INPP4B: variants seen among roughly 807,000 people sequenced by gnomAD.
INPP4B encodes the protein inositol polyphosphate 4-phosphatase type II.
INPP4B carries 55 observed loss-of-function variants against 122.5 expected under a neutral mutation model. That is an observed-to-expected ratio of 0.45 (90% CI 0.36 to 0.56). The LOEUF (loss-of-function observed/expected upper bound fraction) is 0.56, where lower values mean the gene tolerates loss of function less well. Among genes scored for constraint, INPP4B ranks in the 20% least tolerant of loss-of-function variants. INPP4B has a pLI of 0.00. For synonymous variants in INPP4B, 403 were observed against 388.7 expected (o/e 1.04, Z -0.43); for missense variants, 1,000 against 1,097.7 (o/e 0.91, Z 1.26).
At chr4:142,686,248 CA>C (rs1311923880) in intron 2 of INPP4B, among the ~76,000 whole-genome samples, 1 of 152,190 alleles carries the variant, frequency 6.6e-6, no homozygotes, top group East Asian at 1.9e-4. Context: ...CAAGCTTAAG[CA>C]GAGAATGACA....
intron 7 of INPP4B, chr4:142,384,092 C>G: frequency 1.4e-6 from 1 of 702,134 alleles, no homozygotes; most frequent in Non-Finnish European, 2.6e-6. Flanking sequence ...TCCACTTATA[C>G]TCAAATTCTG....
chr4:142,119,030 C>A (rs887387823), intron 21 of INPP4B, among the ~76,000 whole-genome samples: 4 of 152,086 alleles, frequency 2.6e-5, no homozygotes, highest in African/African-American at 9.7e-5. Context: ...ATGCAGCCAA[C>A]AGACACATGA....
chr4:142,173,772 T>C lies in INPP4B; in HGVS notation c.1219A>G (p.Thr407Ala), dbSNP rs752384749. The change falls in exon 16 of 26, where the codon ACA (threonine) becomes GCA (alanine). Residue 407 changes from threonine to alanine, a missense_variant. Thr to Ala is a moderately conservative substitution (Grantham distance 58). Transcript: ENST00000262992. The part of the protein sequence containing the change: ...YQFIYYSPEN[T>A]AKAKEVLSNI... ...CTGAGAACTTCCTTTGCTTTGGCTG[T>C]GTTTTCAGGTGAATAGTAAATAAAC... The C allele has an allele frequency of 1.9e-6, 3 of 1,613,226 alleles. No homozygotes were observed. In the South Asian group the frequency reaches 3.3e-5, roughly 18 times the overall value.
intron 7 of INPP4B, among the ~76,000 whole-genome samples, chr4:142,330,089 T>C (rs1365696412): frequency 1.3e-5 from 2 of 152,206 alleles, no homozygotes; most frequent in African/African-American, 2.4e-5. Flanking sequence ...CTTCAGCTCT[T>C]CTGGCAGGCA....
chr4:142,715,633 A>G (rs1480234586), intron 2 of INPP4B, among the ~76,000 whole-genome samples: 1 of 152,236 alleles, frequency 6.6e-6, no homozygotes, highest in Non-Finnish European at 1.5e-5. Flanking sequence ...TGGCAGTACC[A>G]GGTAGAGCAG....
chr4:142,792,282 T>C (rs1020246411), intron 1 of INPP4B, among the ~76,000 whole-genome samples: 1 of 151,838 alleles, frequency 6.6e-6, no homozygotes, highest in Non-Finnish European at 1.5e-5. Context: ...TAGAAAATGT[T>C]ACTCCAATTG....
chr4:142,319,974 C>T (rs1278615539), intron 7 of INPP4B, among the ~76,000 whole-genome samples: 2 of 152,310 alleles, frequency 1.3e-5, no homozygotes, highest in South Asian at 2.1e-4. Context: ...TGTCAGCTGG[C>T]TGTGTCCTCA....
chr4:142,183,982 T>C (rs1579205466), intron 15 of INPP4B, among the ~76,000 whole-genome samples: 1 of 151,544 alleles, frequency 6.6e-6, no homozygotes, highest in South Asian at 2.1e-4. Context: ...AATCCAAGAG[T>C]GGTTATGTAT....
At chr4:142,167,842 T>C (rs991281100) in intron 16 of INPP4B, among the ~76,000 whole-genome samples, 3 of 151,746 alleles carry the variant, frequency 2.0e-5, no homozygotes, top group Non-Finnish European at 4.4e-5. Flanking sequence ...TATCTCCTGG[T>C]ATCATTTCCT....
intron 2 of INPP4B, among the ~76,000 whole-genome samples, chr4:142,612,056 G>T (rs553817282): frequency 1.3e-5 from 2 of 152,092 alleles, no homozygotes; most frequent in African/African-American, 4.8e-5. Flanking sequence ...GACCTCAATA[G>T]GTTTGCATAC....
At chr4:142,662,117 C>T (rs1755289822) in intron 2 of INPP4B, among the ~76,000 whole-genome samples, 1 of 152,084 alleles carries the variant, frequency 6.6e-6, no homozygotes, top group African/African-American at 2.4e-5. Flanking sequence ...CACCTGTAGT[C>T]CCAGCTACTC....
intron 14 of INPP4B, 80 bp from the exon 15 acceptor site, chr4:142,193,275 T>C (rs1331528214): frequency 1.5e-5 from 11 of 741,264 alleles, no homozygotes; most frequent in Non-Finnish European, 2.3e-5. Context: ...AGCATACCTA[T>C]TGTAGGAAGT....
In INPP4B at chr4:142,028,646, C is replaced by T. The variant is rs933136684; in HGVS notation, c.*136G>A. 1.2e-5 allele frequency: 10 copies of T among 826,996 alleles called. No individual in the cohort carries two copies. The highest frequency in any genetic ancestry group is 1.7e-5 in the African/African-American group (1 of 58,096). 51.2% of individuals were successfully genotyped at this position (826,996 alleles called of 1,614,324 possible). On this transcript the variant is annotated 3_prime_UTR_variant, in exon 26 of 26. Coordinates refer to ENST00000262992, the MANE Select transcript of INPP4B (RefSeq NM_001101669.3). ...ATGCTGATGATGAATTGAAGTAGTT[C>T]CTAGATTTTGGGAAACATCTGTGAT...
chr4:142,405,227 G>A lies in INPP4B; in HGVS notation c.234C>T (p.Tyr78=). The change falls in exon 6 of 26, where the codon TAC becomes TAT. Residue 78 remains tyrosine (Y), a synonymous_variant. Coordinates refer to ENST00000262992, the MANE Select transcript of INPP4B (RefSeq NM_001101669.3). ...TCACCTCCACAATTTCGGTGCTGGA[G>A]TATCTTGTCAGACTCTGCTCCACGG... The part of the protein sequence containing the change: ...IHPVEQSLTR[Y]SSTEIVEGTR... 1 of 1,607,344 alleles carries A rather than the reference G, an allele frequency of 6.2e-7. No homozygotes were observed. Among genetic ancestry groups the A allele is most frequent in the Non-Finnish European group, 8.5e-7 (1 of 1,173,940 alleles).
chr4:142,344,746 G>C (rs1458695192), intron 7 of INPP4B, among the ~76,000 whole-genome samples: 1 of 151,870 alleles, frequency 6.6e-6, no homozygotes, highest in Non-Finnish European at 1.5e-5. Flanking sequence ...AAGAGGATCA[G>C]GAAAAATAAT....
At chr4:142,602,245 G>A (rs115201379) in intron 2 of INPP4B, among the ~76,000 whole-genome samples, 1,980 of 152,030 alleles carry the variant, frequency 0.013, 36 homozygotes, top group African/African-American at 0.037. Context: ...CTACTAAAAT[G>A]ATAAAATACC....
chr4:142,090,952 T>C (rs1306142377), intron 23 of INPP4B, among the ~76,000 whole-genome samples: 2 of 152,128 alleles, frequency 1.3e-5, no homozygotes, highest in Non-Finnish European at 2.9e-5. Context: ...GAAAGATTCA[T>C]ACAAAACAAC....
intron 10 of INPP4B, among the ~76,000 whole-genome samples, chr4:142,268,348 G>GAAAAAAAAAAAAAAAAAAAAAAAAAAA (rs1383781390): frequency 6.4e-4 from 17 of 26,766 alleles, no homozygotes; most frequent in Admixed American, 1.4e-3. Flanking sequence ...AAAAAAAAAT[G>GAAAAAAAAAAAAAAAAAAAAAAAAAAA]AGGGGTAAGT....
chr4:142,519,730 TC>T (rs1203619002), intron 2 of INPP4B, among the ~76,000 whole-genome samples: 2 of 152,176 alleles, frequency 1.3e-5, no homozygotes, highest in African/African-American at 4.8e-5. Flanking sequence ...TATTATTCAT[TC>T]CATCTGTCCT....
Sources: gnomAD v4.1 joint callset for allele counts (sites outside exome capture counted in the v4.1 genomes callset) on GRCh38, gnomAD v4.1.1 for gene constraint, MANE v1.5 for transcripts, NCBI Gene and HGNC (gene_info 2026-07-23, HGNC 2026-07-21) for gene names.